Variants in S100A7A observed in about 807,000 individuals in gnomAD.
S100A7A encodes the protein protein S100-A7A.
A neutral mutation model predicts 4.0 loss-of-function variants in S100A7A; 5 were observed. That is an observed-to-expected ratio of 1.26 (90% CI 0.66 to 2.66). S100A7A has a LOEUF of 2.66. Among genes scored for constraint, S100A7A ranks in the 30% most tolerant of loss-of-function variants. S100A7A has a pLI of 0.01. For synonymous variants in S100A7A, 52 were observed against 46.4 expected (o/e 1.12, Z -0.49); for missense variants, 159 against 125.1 (o/e 1.27, Z -1.29).
At position 153,421,805 on chromosome 1, in the gene S100A7A, T is replaced by C. The variant is rs1662904716; in HGVS notation, c.*2496T>C. 6.6e-6 allele frequency: 1 copy of C among 152,234 alleles called. No individual in the cohort carries two copies. The allele number at this position is 152,234 out of a possible 1,614,324, so 9.4% of individuals were successfully genotyped here. ...GCCTGCCCTCCCTTTATTTTTCCAG[T>C]TCTTATTTCACCTGATAATATTCCG... On this transcript the variant is annotated 3_prime_UTR_variant, in exon 3 of 3. Transcript: ENST00000368729.
chr1:153,419,054 T>C (rs1662819437), intron 2 of S100A7A, 91 bp from the exon 3 acceptor site: 2 of 1,382,368 alleles, frequency 1.4e-6, no homozygotes, highest in South Asian at 1.3e-5. Context: ...ATCTAGGTAC[T>C]TGTCTGTATC....
At position 153,421,443 on chromosome 1, in the gene S100A7A, T is replaced by C. The variant is rs1185991677; in HGVS notation, c.*2134T>C. 1 of 152,256 alleles carries C rather than the reference T, an allele frequency of 6.6e-6. No homozygotes were observed. The highest frequency in any genetic ancestry group is 1.5e-5 in the Non-Finnish European group (1 of 68,046). The allele number at this position is 152,256 out of a possible 1,614,324, so 9.4% of individuals were successfully genotyped here. ...GATCTCCTGGTTACCCAGCACATAG[T>C]AGTACTGGATTCCAGCTCATAATAA... is the stretch of plus-strand genomic sequence containing the variant. On this transcript the variant is annotated 3_prime_UTR_variant, in exon 3 of 3. Transcript: ENST00000368729.
Position 153,420,738 on chromosome 1 carries a change from C to T in S100A7A, c.*1429C>T, listed in dbSNP as rs1490695865. ...TTCTTCTCTTTCCTTCTCTCCCTTTCTCATTCTCATTCCACCTGTTCTTGG... is the reference window on the plus strand; with the variant it reads ...TTCTTCTCTTTCCTTCTCTCCCTTTTTCATTCTCATTCCACCTGTTCTTGG... On this transcript the variant is annotated 3_prime_UTR_variant, in exon 3 of 3. Transcript: ENST00000368729. 3 of 152,268 alleles carry T rather than the reference C, an allele frequency of 2.0e-5. No individual in the cohort carries two copies. Among genetic ancestry groups the T allele is most frequent in the Admixed American group, 6.5e-5 (1 of 15,280 alleles). The allele number at this position is 152,268 out of a possible 1,614,324, so 9.4% of individuals were successfully genotyped here. A position where few individuals can be genotyped will look rare whatever the true frequency, so the allele number is the denominator to read the frequency against.
In S100A7A at chr1:153,419,294, T is replaced by C. The variant is rs368536104; in HGVS notation, c.291T>C (p.Ser97=). 66 of 1,613,852 alleles carry C rather than the reference T, an allele frequency of 4.1e-5. No individual in the cohort carries two copies. The highest frequency in any genetic ancestry group is 1.5e-4 in the Admixed American group (9 of 59,994). ...HKQSHGAAPC[S]GGSQ ...AGAGCCATGGAGCGGCGCCCTGTTC[T>C]GGGGGAAGCCAGTGATCCAGCCCCA... is the stretch of plus-strand genomic sequence containing the variant. Residue 97 remains serine, a synonymous_variant, in exon 3 of 3, where the codon TCT becomes TCC. Transcript: ENST00000368729.
Position 153,421,277 on chromosome 1 carries a change from A to T in S100A7A, c.*1968A>T, listed in dbSNP as rs1243851094. Reference sequence around the variant, plus strand: ...TCAGAGGGTGAACCACCATCCCTTCACCCCAAAGAAATGATCTCTGCTTCA... The same window carrying T: ...TCAGAGGGTGAACCACCATCCCTTCTCCCCAAAGAAATGATCTCTGCTTCA... On this transcript the variant is annotated 3_prime_UTR_variant, in exon 3 of 3. Transcript: ENST00000368729. 6.6e-6 allele frequency: 1 copy of T among 151,932 alleles called. No homozygotes were observed. Among genetic ancestry groups the T allele is most frequent in the Non-Finnish European group, 1.5e-5 (1 of 67,994 alleles). The allele number at this position is 151,932 out of a possible 1,614,324, so 9.4% of individuals were successfully genotyped here.
In S100A7A at chr1:153,418,159, A is replaced by C; in HGVS notation, c.77A>C (p.Lys26Thr). 6.2e-7 allele frequency: 1 copy of C among 1,614,094 alleles called. No homozygotes were observed. Among genetic ancestry groups the C allele is most frequent in the Non-Finnish European group, 8.5e-7 (1 of 1,179,948 alleles). Residue 26 changes from lysine (K) to threonine (T), a missense_variant, in exon 2 of 3, where the codon AAG becomes ACG. Physicochemically the swap from Lys to Thr is moderately conservative, Grantham distance 78. Coordinates refer to ENST00000368729, the MANE Select transcript of S100A7A (RefSeq NM_176823.4). The part of the protein sequence containing the change: ...MFHKYTGRDG[K>T]IEKPSLLTMM... ...CACAAATACACCGGACGTGATGGCA[A>C]GATTGAGAAGCCAAGCCTGCTGACG...
intron 2 of S100A7A, 97 bp from the exon 3 acceptor site, chr1:153,419,048 A>G (rs1431671859): frequency 7.7e-7 from 1 of 1,300,628 alleles, no homozygotes; most frequent in Non-Finnish European, 1.1e-6. Flanking sequence ...GTGCAGATCT[A>G]GGTACTTGTC....
At chr1:153,417,985 CCTCAG>C (rs1360688900) in intron 1 of S100A7A, 76 bp from the exon 2 acceptor site, 1 of 1,546,584 alleles carries the variant, frequency 6.5e-7, no homozygotes, top group Non-Finnish European at 8.8e-7. Flanking sequence ...TTTACTCTGT[CCTCAG>C]CCCTCCTTCT....
chr1:153,419,501 G>C lies in S100A7A; in HGVS notation c.*192G>C. Reference sequence around the variant, plus strand: ...CCAGGAGTAATGTCCCTCCAGCAACGTTCCCCCTATGGCCTCCAGCAGAGC... The same window carrying C: ...CCAGGAGTAATGTCCCTCCAGCAACCTTCCCCCTATGGCCTCCAGCAGAGC... On this transcript the variant is annotated 3_prime_UTR_variant, in exon 3 of 3. Transcript: ENST00000368729. 3.1e-6 allele frequency: 2 copies of C among 645,682 alleles called. No homozygotes were observed. Among genetic ancestry groups the C allele is most frequent in the Admixed American group, 3.0e-5 (1 of 33,556 alleles). 40.0% of individuals were successfully genotyped at this position (645,682 alleles called of 1,614,324 possible).
chr1:153,416,931 G>C (rs1395814229), intron 1 of S100A7A, among the ~76,000 whole-genome samples: 1 of 152,238 alleles, frequency 6.6e-6, no homozygotes, highest in Admixed American at 6.5e-5. Flanking sequence ...CACAGAGGGA[G>C]GAGGGATAAG....
chr1:153,418,031 C>G lies in S100A7A; in HGVS notation c.-17-35C>G, dbSNP rs184558804. The G allele has an allele frequency of 5.6e-6, 9 of 1,608,444 alleles. No homozygotes were observed. In the African/African-American group the frequency reaches 1.1e-4, roughly 19 times the overall value. ...CCCCACATAGAGACCTTAATTCAAA[C>G]TAAGGTAAGAAATGATTGTCTTTAT... On this transcript the variant is annotated intron_variant, in intron 1 of 2. Coordinates refer to ENST00000368729, the MANE Select transcript of S100A7A (RefSeq NM_176823.4).
At chr1:153,417,935 T>TG in intron 1 of S100A7A, 131 bp from the exon 2 acceptor site, 4 of 1,111,188 alleles carry the variant, frequency 3.6e-6, no homozygotes, top group Non-Finnish European at 5.1e-6. Flanking sequence ...CCATCACATT[T>TG]AAAAAAATCA....
intron 1 of S100A7A, among the ~76,000 whole-genome samples, chr1:153,417,590 C>T (rs1662758392): frequency 6.6e-6 from 1 of 152,222 alleles, no homozygotes; most frequent in African/African-American, 2.4e-5. Flanking sequence ...AGGTGGGGCC[C>T]ACGGTGTCTG....
At chr1:153,418,324 A>G (rs1009390457) in intron 2 of S100A7A, 101 bp downstream of exon 2, 2 of 1,501,360 alleles carry the variant, frequency 1.3e-6, no homozygotes, top group Non-Finnish European at 1.8e-6. Context: ...TCCTCTGATT[A>G]AAAAGTTTCC....
chr1:153,418,672 G>C (rs774030131), intron 2 of S100A7A, among the ~76,000 whole-genome samples: 2 of 152,212 alleles, frequency 1.3e-5, no homozygotes, highest in African/African-American at 4.8e-5. Flanking sequence ...AAACCTGTGG[G>C]CTACTAGGTA....
intron 1 of S100A7A, among the ~76,000 whole-genome samples, chr1:153,417,593 G>A (rs1250579179): frequency 6.6e-6 from 1 of 152,196 alleles, no homozygotes; most frequent in Non-Finnish European, 1.5e-5. Context: ...TGGGGCCCAC[G>A]GTGTCTGGTT....
chr1:153,422,639 G>T lies in S100A7A; in HGVS notation c.*3330G>T. 2 of 405,372 alleles carry T rather than the reference G, an allele frequency of 4.9e-6. No individual in the cohort carries two copies. Among genetic ancestry groups the T allele is most frequent in the Non-Finnish European group, 6.7e-6 (2 of 300,292 alleles). 25.1% of individuals were successfully genotyped at this position (405,372 alleles called of 1,614,324 possible). A position where few individuals can be genotyped will look rare whatever the true frequency, so the allele number is the denominator to read the frequency against. ...CTCACTCTGTCGCCCGGGCTGGAGT[G>T]CTGTGAGCTGTCCGTGGTGCTGAAT... On this transcript the variant is annotated 3_prime_UTR_variant, in exon 3 of 3. Transcript: ENST00000368729.
At chr1:153,417,547 G>C (rs775265170) in intron 1 of S100A7A, among the ~76,000 whole-genome samples, 1 of 152,174 alleles carries the variant, frequency 6.6e-6, no homozygotes, top group East Asian at 1.9e-4. Flanking sequence ...GAGCCTGCAC[G>C]CACTGTGTCA....
Position 153,419,487 on chromosome 1 carries a change from G to T in S100A7A, c.*178G>T. ...ATCCAGTGGGTCACCCAGGAGTAATGTCCCTCCAGCAACGTTCCCCCTATG... is the reference window on the plus strand; with the variant it reads ...ATCCAGTGGGTCACCCAGGAGTAATTTCCCTCCAGCAACGTTCCCCCTATG... On this transcript the variant is annotated 3_prime_UTR_variant, in exon 3 of 3. Transcript: ENST00000368729. The T allele has an allele frequency of 1.4e-6, 1 of 694,318 alleles. No individual in the cohort carries two copies. Among genetic ancestry groups the T allele is most frequent in the Non-Finnish European group, 2.4e-6 (1 of 414,950 alleles). The allele number at this position is 694,318 out of a possible 1,614,324, so 43.0% of individuals were successfully genotyped here.
Sources: allele counts gnomAD v4.1 joint callset (sites outside exome capture counted in the v4.1 genomes callset), GRCh38; gene constraint gnomAD v4.1.1; transcripts MANE v1.5; gene names NCBI Gene and HGNC (gene_info 2026-07-23, HGNC 2026-07-21).